Variants in NELL1 observed in about 807,000 individuals in gnomAD.
NELL1 encodes protein kinase C-binding protein NELL1.
In NELL1, 76 loss-of-function variants were observed where a neutral mutation model predicts 107.4. The observed-to-expected ratio is 0.71, with a 90% CI of 0.59 to 0.86. The LOEUF (loss-of-function observed/expected upper bound fraction) is 0.86, where lower values mean the gene tolerates loss of function less well. NELL1 is among the 40% of genes least tolerant of loss of function. The pLI is 0.00. For missense variants in NELL1, 1,024 were observed against 1,005.5 expected, an observed-to-expected ratio of 1.02 and a Z score of -0.25; for synonymous variants, 353 against 341.2, an observed-to-expected ratio of 1.03 and a Z score of -0.38.
rs1368464735 is a variant in NELL1, at chr11:20,755,535, TTTTTGTTTTTTTTTGTTTTTGTTTTTG to T, written c.185-28140_185-28114del. The stretch of plus-strand genomic sequence containing the variant: ...TTCATGTAAAAAAGACCTGTGTGGG[TTTTTGTTTTTTTTTGTTTTTGTTTTTG>T]TTTTTTTTTTTTTGAGACAGAATCT... On this transcript the variant is annotated intron_variant, in intron 2 of 19. Transcript: ENST00000357134. 4.0e-3 allele frequency among the ~76,000 whole-genome samples: 158 copies of T among 39,288 alleles called. 4 individuals are homozygous for T. Among genetic ancestry groups the T allele is most frequent in the African/African-American group, 0.012 (154 of 12,648 alleles). The allele number at this position is 39,288 out of a possible 152,430, so 25.8% of individuals were successfully genotyped here.
chr11:20,790,296 T>C (rs1397488616), intron 3 of NELL1, among the ~76,000 whole-genome samples: 1 of 152,178 alleles, frequency 6.6e-6, no homozygotes, highest in African/African-American at 2.4e-5. Flanking sequence ...CCTATGCTCA[T>C]TGGTGCCCAA....
chr11:21,250,851 G>T (rs1858619550), intron 14 of NELL1, among the ~76,000 whole-genome samples: 1 of 152,134 alleles, frequency 6.6e-6, no homozygotes, highest in Non-Finnish European at 1.5e-5. Context: ...AGGTGGCCAG[G>T]CTGGTTTGAG....
intron 15 of NELL1, among the ~76,000 whole-genome samples, chr11:21,524,165 G>C (rs898690685): frequency 1.3e-5 from 2 of 152,068 alleles, no homozygotes; most frequent in African/African-American, 4.8e-5. Context: ...AGTAGACCTT[G>C]GTTTAAATCC....
Position 21,309,312 on chromosome 11 carries a change from AAT to A in NELL1, c.1550-61528_1550-61527del, listed in dbSNP as rs1296722986. 5.1e-3 allele frequency among the ~76,000 whole-genome samples: 667 copies of A among 129,966 alleles called. 8 individuals carry two copies. The highest frequency in any genetic ancestry group is 0.018 in the African/African-American group (580 of 31,812). 85.3% of individuals were successfully genotyped at this position (129,966 alleles called of 152,430 possible). A position where few individuals can be genotyped will look rare whatever the true frequency, so the allele number is the denominator to read the frequency against. ...TATATATATATATGTATATATATAT[AAT>A]ATATATATATATTTCCTGAATATGA... On this transcript the variant is annotated intron_variant, in intron 14 of 19. Coordinates refer to ENST00000357134, the MANE Select transcript of NELL1 (RefSeq NM_006157.5).
chr11:21,543,200 T>C (rs369705121), intron 16 of NELL1, among the ~76,000 whole-genome samples: 96 of 152,182 alleles, frequency 6.3e-4, no homozygotes, highest in African/African-American at 2.2e-3. Context: ...CACCTTTCTT[T>C]GATAATATTT....
At chr11:20,864,471 T>C (rs1164338529) in intron 4 of NELL1, among the ~76,000 whole-genome samples, 1 of 152,236 alleles carries the variant, frequency 6.6e-6, no homozygotes, top group African/African-American at 2.4e-5. Context: ...TTTTGATACA[T>C]GGCTGTTCCT....
intron 14 of NELL1, among the ~76,000 whole-genome samples, chr11:21,367,303 A>G (rs1206182838): frequency 7.5e-6 from 1 of 132,996 alleles, no homozygotes; most frequent in Non-Finnish European, 1.6e-5. Context: ...CACACACACA[A>G]TCTATTTTTG....
intron 15 of NELL1, among the ~76,000 whole-genome samples, chr11:21,484,971 G>A (rs571332007): frequency 2.0e-5 from 3 of 152,234 alleles, no homozygotes; most frequent in Admixed American, 6.5e-5. Flanking sequence ...AAAGGAGAGG[G>A]AAATAGGCAG....
In NELL1 at chr11:21,172,452, C is replaced by G. The variant is rs575585391; in HGVS notation, c.1427-56880C>G. 3.3e-5 allele frequency among the ~76,000 whole-genome samples: 5 copies of G among 151,908 alleles called. No individual in the cohort carries two copies. In the East Asian group the frequency reaches 9.6e-4, roughly 29 times the overall value. On this transcript the variant is annotated intron_variant, in intron 13 of 19. Coordinates refer to ENST00000357134, the MANE Select transcript of NELL1 (RefSeq NM_006157.5). ...GCTGAATTTCCGTTGATAGCATGCT[C>G]CTTCTCCGTGATCATGCAGTTGATC...
intron 13 of NELL1, among the ~76,000 whole-genome samples, chr11:21,186,487 C>T (rs1036238436): frequency 4.0e-5 from 6 of 151,890 alleles, no homozygotes; most frequent in Admixed American, 6.6e-5. Context: ...TTAGTTTGTT[C>T]GTCTAAGACA....
intron 14 of NELL1, among the ~76,000 whole-genome samples, chr11:21,243,108 T>C (rs2133900664): frequency 6.6e-6 from 1 of 152,252 alleles, no homozygotes; most frequent in Admixed American, 6.6e-5. Flanking sequence ...TTGAGGATGA[T>C]GCCATTTTTA....
chr11:21,510,172 C>A (rs1445526207), intron 15 of NELL1, among the ~76,000 whole-genome samples: 1 of 152,152 alleles, frequency 6.6e-6, no homozygotes, highest in Non-Finnish European at 1.5e-5. Context: ...GCACGATTGG[C>A]CAGCCACATC....
intron 13 of NELL1, among the ~76,000 whole-genome samples, chr11:21,134,316 T>C (rs1161831739): frequency 6.6e-6 from 1 of 152,076 alleles, no homozygotes; most frequent in Admixed American, 6.5e-5. Context: ...TTTGTCCTTA[T>C]TGTTGTTGTT....
At chr11:21,034,318 T>C (rs927600801) in intron 12 of NELL1, among the ~76,000 whole-genome samples, 3 of 152,222 alleles carry the variant, frequency 2.0e-5, no homozygotes, top group Admixed American at 6.5e-5. Context: ...CAGATAGTTA[T>C]AGGTACGTGG....
At chr11:21,497,020 C>G (rs1364497087) in intron 15 of NELL1, among the ~76,000 whole-genome samples, 5 of 151,638 alleles carry the variant, frequency 3.3e-5, no homozygotes, top group African/African-American at 4.8e-5. Context: ...TTAATCCAGT[C>G]TATCATTGTT....
At chr11:20,789,021 C>T (rs370848413) in intron 3 of NELL1, among the ~76,000 whole-genome samples, 36 of 152,074 alleles carry the variant, frequency 2.4e-4, no homozygotes, top group African/African-American at 8.5e-4. Context: ...TGTATTGGCA[C>T]CCTGTTGAAG....
chr11:20,826,855 G>C (rs1156884225), intron 3 of NELL1, among the ~76,000 whole-genome samples: 1 of 151,254 alleles, frequency 6.6e-6, no homozygotes, highest in African/African-American at 2.4e-5. Flanking sequence ...CTGGACGTCA[G>C]TAGAGAGATT....
chr11:21,087,772 G>A (rs1259620035), intron 12 of NELL1, among the ~76,000 whole-genome samples: 5 of 152,078 alleles, frequency 3.3e-5, no homozygotes, highest in Admixed American at 2.6e-4. Flanking sequence ...AAATTGATAT[G>A]TATTAGTTAT....
At chr11:21,331,640 A>G (rs1850275093) in intron 14 of NELL1, among the ~76,000 whole-genome samples, 1 of 152,090 alleles carries the variant, frequency 6.6e-6, no homozygotes, top group African/African-American at 2.4e-5. Context: ...GTTTTGGACA[A>G]TGCTGTGGGA....
Sources: gnomAD v4.1 joint callset for allele counts (sites outside exome capture counted in the v4.1 genomes callset) on GRCh38, gnomAD v4.1.1 for gene constraint, MANE v1.5 for transcripts, NCBI Gene and HGNC (gene_info 2026-07-23, HGNC 2026-07-21) for gene names.